The following TYW1 variants were observed in gnomAD, a reference collection of about 807,000 sequenced individuals.
TYW1 encodes tRNA-yW synthesizing protein 1 homolog.
In TYW1, 46 loss-of-function variants were observed where a neutral mutation model predicts 96.2. The ratio of observed to expected loss-of-function variants is 0.48; its 90% CI spans 0.38 to 0.61. TYW1 has a LOEUF of 0.61. Ranked by LOEUF, TYW1 falls within the 20% of genes least tolerant of loss-of-function variation. TYW1 has a pLI of 0.00. For synonymous variants in TYW1, 274 were observed against 323.0 expected, an observed-to-expected ratio of 0.85 and a Z score of 1.63; for missense variants, 684 against 909.6, an observed-to-expected ratio of 0.75 and a Z score of 3.19.
At position 67,147,423 on chromosome 7, in the gene TYW1, AT is replaced by A. The variant is rs67475331; in HGVS notation, c.1698+29816del. ...ACCAAGTAGCTCAAGCATGCTCTGT[AT>A]TTTTTTTTTTAACTCTTAAGTTCAA... On this transcript the variant is annotated intron_variant, in intron 13 of 15. Coordinates refer to ENST00000359626, the MANE Select transcript of TYW1 (RefSeq NM_018264.4). Among the ~76,000 whole-genome samples, 51 of 149,284 alleles carry A rather than the reference AT, an allele frequency of 3.4e-4. 1 individual carries two copies. The highest frequency in any genetic ancestry group is 6.9e-3 in the Middle Eastern group (2 of 288).
rs1456393995 is a variant in TYW1, at chr7:67,166,114, G to T, written c.1699-17012G>T. ...ATAAAAAAATAAGCTGGACATGGTT[G>T]TGTGCACCTGTAGTCCCAGCTACTC... On this transcript the variant is annotated intron_variant, in intron 13 of 15. Coordinates refer to ENST00000359626, the MANE Select transcript of TYW1 (RefSeq NM_018264.4). Among the ~76,000 whole-genome samples, 5 of 151,240 alleles carry T rather than the reference G, an allele frequency of 3.3e-5. 1 individual carries two copies. The South Asian group carries it at 8.4e-4, about 25-fold the overall frequency.
intron 7 of TYW1, among the ~76,000 whole-genome samples, chr7:67,039,145 G>C (rs997463843): frequency 6.6e-6 from 1 of 151,958 alleles, no homozygotes; most frequent in Non-Finnish European, 1.5e-5. Context: ...TTTGAAGCCC[G>C]GGAAGAGGAG....
intron 15 of TYW1, among the ~76,000 whole-genome samples, chr7:67,196,030 C>T (rs916222959): frequency 5.9e-5 from 9 of 151,874 alleles, no homozygotes; most frequent in East Asian, 3.9e-4. Context: ...ATATGTTAGA[C>T]GTCATTACAT....
At chr7:67,134,541 C>CAA (rs397947738) in intron 13 of TYW1, among the ~76,000 whole-genome samples, 2 of 137,276 alleles carry the variant, frequency 1.5e-5, no homozygotes, top group African/African-American at 2.7e-5. Context: ...GACTTCATCT[C>CAA]AAAAAAAAAA....
intron 15 of TYW1, among the ~76,000 whole-genome samples, chr7:67,200,751 A>G (rs950938301): frequency 9.2e-5 from 14 of 152,226 alleles, no homozygotes; most frequent in Admixed American, 4.6e-4. Context: ...ATGGAGCTCA[A>G]TGGGTGCATT....
intron 9 of TYW1, among the ~76,000 whole-genome samples, chr7:67,062,562 G>T (rs1420646909): frequency 1.8e-5 from 1 of 56,478 alleles, no homozygotes; most frequent in African/African-American, 9.0e-5. Context: ...GCGAGACTCC[G>T]TCTCAAAAAA....
chr7:67,023,033 T>C (rs1794327409), intron 6 of TYW1, among the ~76,000 whole-genome samples: 3 of 152,214 alleles, frequency 2.0e-5, no homozygotes, highest in Non-Finnish European at 4.4e-5. Flanking sequence ...CTCTCTGCTA[T>C]ACTGTGGGGC....
intron 13 of TYW1, among the ~76,000 whole-genome samples, chr7:67,157,077 T>G (rs912601529): frequency 6.6e-6 from 1 of 152,098 alleles, no homozygotes; most frequent in Admixed American, 6.5e-5. Flanking sequence ...CTTGCTATTC[T>G]GGTCCTTCTT....
intron 3 of TYW1, among the ~76,000 whole-genome samples, chr7:67,005,706 A>C (rs1331648068): frequency 6.6e-6 from 1 of 152,076 alleles, no homozygotes; most frequent in Non-Finnish European, 1.5e-5. Flanking sequence ...ACTCCAGTGT[A>C]CTCTCAACTC....
At chr7:67,222,636 T>C (rs1801429350) in intron 15 of TYW1, among the ~76,000 whole-genome samples, 1 of 152,182 alleles carries the variant, frequency 6.6e-6, no homozygotes, top group South Asian at 2.1e-4. Context: ...GACAGTTTGA[T>C]TATAATGTGT....
chr7:67,184,712 T>C (rs1298505957), intron 14 of TYW1, among the ~76,000 whole-genome samples: 1 of 143,972 alleles, frequency 6.9e-6, no homozygotes, highest in Non-Finnish European at 1.5e-5. Context: ...TGTTATGTTA[T>C]GTTATGGTTT....
intron 15 of TYW1, among the ~76,000 whole-genome samples, chr7:67,205,307 G>T (rs769424762): frequency 5.4e-4 from 82 of 151,992 alleles, no homozygotes; most frequent in South Asian, 1.2e-3. Flanking sequence ...AGCCTCCTGT[G>T]ATACCATTCT....
intron 13 of TYW1, among the ~76,000 whole-genome samples, chr7:67,141,647 G>A (rs1798452182): frequency 1.3e-5 from 2 of 152,200 alleles, no homozygotes; most frequent in South Asian, 4.1e-4. Flanking sequence ...TACTATAATA[G>A]CTATGCAACC....
chr7:67,118,033 C>T (rs13223029), intron 13 of TYW1, among the ~76,000 whole-genome samples: 4,445 of 152,134 alleles, frequency 0.029, 100 homozygotes, highest in Middle Eastern at 0.1. Flanking sequence ...TATATAAAAT[C>T]GCATAGGCCA....
intron 13 of TYW1, among the ~76,000 whole-genome samples, chr7:67,164,639 A>G (rs1049702025): frequency 1.1e-4 from 17 of 151,388 alleles, no homozygotes; most frequent in Non-Finnish European, 1.9e-4. Flanking sequence ...ACCCCTTGTC[A>G]ACAAATACTC....
intron 15 of TYW1, among the ~76,000 whole-genome samples, chr7:67,229,063 CAAAG>C (rs972185374): frequency 1.3e-5 from 2 of 152,244 alleles, no homozygotes; most frequent in African/African-American, 2.4e-5. Context: ...TAAATAAAAT[CAAAG>C]AAATCAAAGG....
At position 67,198,672 on chromosome 7, in the gene TYW1, A is replaced by C. The variant is rs934314422; in HGVS notation, c.1977+3335A>C. On this transcript the variant is annotated intron_variant, in intron 15 of 15. Coordinates refer to ENST00000359626, the MANE Select transcript of TYW1 (RefSeq NM_018264.4). ...CTTCTTTGCTTGTTTACTCATTTGC[A>C]ACCTTTTAAAAATGCAAAGACTGTC... is the stretch of plus-strand genomic sequence containing the variant. Among the ~76,000 whole-genome samples the C allele has an allele frequency of 6.2e-4, 94 of 152,208 alleles. 2 individuals carry two copies. The highest frequency in any genetic ancestry group is 1.3e-4 in the Non-Finnish European group (9 of 68,046).
chr7:67,049,980 G>A lies in TYW1; in HGVS notation c.1016G>A (p.Gly339Asp). 6.2e-7 allele frequency: 1 copy of A among 1,614,036 alleles called. No homozygotes were observed. The highest frequency in any genetic ancestry group is 8.5e-7 in the Non-Finnish European group (1 of 1,179,992). The stretch of plus-strand genomic sequence containing the variant: ...AAGGAACAGCAGGAAGAGAAGTCTG[G>A]TTTGTTCAGGAACATGGGGAGGAAT... ...REKEQQEEKS[G>D]LFRNMGRNED... Residue 339 changes from glycine (G) to aspartate (D), a missense_variant, in exon 8 of 16, where the codon GGT (glycine) becomes GAT (aspartate). Coordinates refer to ENST00000359626, the MANE Select transcript of TYW1 (RefSeq NM_018264.4).
intron 15 of TYW1, among the ~76,000 whole-genome samples, chr7:67,232,366 C>T (rs535619476): frequency 1.4e-4 from 21 of 151,774 alleles, no homozygotes; most frequent in East Asian, 9.7e-4. Context: ...ATGGTGCAAC[C>T]CCATCTCTTC....
Sources: gnomAD v4.1 joint callset for allele counts (sites outside exome capture counted in the v4.1 genomes callset) on GRCh38, gnomAD v4.1.1 for gene constraint, MANE v1.5 for transcripts, NCBI Gene and HGNC (gene_info 2026-07-23, HGNC 2026-07-21) for gene names.